SEMA3B: variants seen among roughly 807,000 people sequenced by gnomAD.
SEMA3B encodes semaphorin-3B.
SEMA3B carries 71 observed loss-of-function variants against 77.8 expected under a neutral mutation model. The ratio of observed to expected loss-of-function variants is 0.91; its 90% CI spans 0.75 to 1.11. The LOEUF (loss-of-function observed/expected upper bound fraction) is 1.11, where lower values mean the gene tolerates loss of function less well. Among genes scored for constraint, SEMA3B ranks in the 50% most tolerant of loss-of-function variants. The probability of loss-of-function intolerance (pLI) is 0.00; values close to 1 mark genes in which losing one functional copy is unlikely to be tolerated. For missense variants in SEMA3B, 968 were observed against 1,056.8 expected, an observed-to-expected ratio of 0.92 and a Z score of 1.17; for synonymous variants, 470 against 452.9, an observed-to-expected ratio of 1.04 and a Z score of -0.48.
chr3:50,274,001 C>T lies in SEMA3B; in HGVS notation c.1081C>T (p.Pro361Ser). 6.2e-7 allele frequency: 1 copy of T among 1,613,832 alleles called. No homozygotes were observed. The highest frequency in any genetic ancestry group is 8.5e-7 in the Non-Finnish European group (1 of 1,179,806). ...FLGPFAHKEG[P>S]MHQWVSYQGR... ...GGGACCCTTTGCACACAAGGAGGGG[C>T]CCATGCACCAGTGGGTGTCATACCA... The change falls in exon 10 of 17, where the codon CCC becomes TCC. Residue 361 changes from proline (P) to serine (S), a missense_variant. Pro to Ser is a moderately conservative substitution (Grantham distance 74). Transcript: ENST00000616701. This position sits in a 1 kb window ranked among gnomAD's most constrained non-coding sequence, Gnocchi z 4.7.
Position 50,275,482 on chromosome 3 carries a change from C to T in SEMA3B, c.1649+23C>T, listed in dbSNP as rs782178877. 1 of 1,606,050 alleles carries T rather than the reference C, an allele frequency of 6.2e-7. No individual in the cohort carries two copies. Among genetic ancestry groups the T allele is most frequent in the Non-Finnish European group, 8.5e-7 (1 of 1,174,406 alleles). ...GAGGTGGGCGGGGTCGGGGTTGGGC[C>T]GCCGGGAGGGAGGCGAAGGGTCTTT... On this transcript the variant is annotated intron_variant, in intron 14 of 16. Transcript: ENST00000616701. The surrounding 1 kb of genome is among the most constrained non-coding windows in gnomAD (Gnocchi z 7.5).
Position 50,270,534 on chromosome 3 carries a change from A to G in SEMA3B, c.330+39A>G, listed in dbSNP as rs1187547817. 2 of 1,611,804 alleles carry G rather than the reference A, an allele frequency of 1.2e-6. No homozygotes were observed. Among genetic ancestry groups the G allele is most frequent in the Non-Finnish European group, 1.7e-6 (2 of 1,178,946 alleles). ...GCCCGGGCCGGGAGTGGGGAGGGTC[A>G]GCCCCTCACCCCAGAGACAGGGCAG... On this transcript the variant is annotated intron_variant, in intron 3 of 16. Coordinates refer to ENST00000616701, the MANE Select transcript of SEMA3B (RefSeq NM_001290060.2). This position sits in a 1 kb window ranked among gnomAD's most constrained non-coding sequence, Gnocchi z 4.7.
chr3:50,276,475 G>C lies in SEMA3B; in HGVS notation c.2019G>C (p.Arg673=), dbSNP rs1553706797. The part of the protein sequence containing the change: ...LSATQAERLA[R]AEEAAPAAPP... ...CTACGCAGGCCGAACGACTGGCGCGGGCCGAGGAGGCTGCGCCCGCCGCGC... is the reference window on the plus strand; with the variant it reads ...CTACGCAGGCCGAACGACTGGCGCGCGCCGAGGAGGCTGCGCCCGCCGCGC... The change falls in exon 17 of 17, where the codon CGG becomes CGC. Residue 673 remains arginine (R), a synonymous_variant. Coordinates refer to ENST00000616701, the MANE Select transcript of SEMA3B (RefSeq NM_001290060.2). This position sits in a 1 kb window ranked among gnomAD's most constrained non-coding sequence, Gnocchi z 5.8. The C allele has an allele frequency of 2.6e-6, 4 of 1,531,536 alleles. No individual in the cohort carries two copies. The Admixed American group carries it at 7.9e-5, about 30-fold the overall frequency. 94.9% of individuals were successfully genotyped at this position (1,531,536 alleles called of 1,614,324 possible). A position where few individuals can be genotyped will look rare whatever the true frequency, so the allele number is the denominator to read the frequency against.
chr3:50,273,347 C>T lies in SEMA3B; in HGVS notation c.714C>T (p.Asp238=). ...GGATCCCGGAGAGCGAGAACCCAGACGACGACAAAATCTACTTCTTCTTTC... is the reference window on the plus strand; with the variant it reads ...GGATCCCGGAGAGCGAGAACCCAGATGACGACAAAATCTACTTCTTCTTTC... ...VFWIPESENP[D]DDKIYFFFRE... Residue 238 remains aspartate, a synonymous_variant, in exon 7 of 17, where the codon GAC becomes GAT. Coordinates refer to ENST00000616701, the MANE Select transcript of SEMA3B (RefSeq NM_001290060.2). The surrounding 1 kb of genome is among the most constrained non-coding windows in gnomAD (Gnocchi z 6.5). The T allele has an allele frequency of 6.2e-7, 1 of 1,614,004 alleles. No individual in the cohort carries two copies. The highest frequency in any genetic ancestry group is 8.5e-7 in the Non-Finnish European group (1 of 1,179,868).
Position 50,273,105 on chromosome 3 carries a change from T to G in SEMA3B, c.665-193T>G. ...TCTGCTGCCCCCTCGCGGCTGCTTC[T>G]TGCCTCGCAGGCCCTGATCCTTTGG... On this transcript the variant is annotated intron_variant, in intron 6 of 16. Coordinates refer to ENST00000616701, the MANE Select transcript of SEMA3B (RefSeq NM_001290060.2). The surrounding 1 kb of genome is among the most constrained non-coding windows in gnomAD (Gnocchi z 6.5). 1.1e-6 allele frequency: 1 copy of G among 883,934 alleles called. No individual in the cohort carries two copies. 54.8% of individuals were successfully genotyped at this position (883,934 alleles called of 1,614,324 possible).
rs781965318 is a variant in SEMA3B, at chr3:50,273,485, C to G, written c.810+42C>G. ...CCACACCCGGCGACCCTGCCCCTACCCCTTTGCCTGCCCTGGTCTCGCCCT... is the reference window on the plus strand; with the variant it reads ...CCACACCCGGCGACCCTGCCCCTACGCCTTTGCCTGCCCTGGTCTCGCCCT... On this transcript the variant is annotated intron_variant, in intron 7 of 16. Transcript: ENST00000616701. The surrounding 1 kb of genome is among the most constrained non-coding windows in gnomAD (Gnocchi z 6.5). The G allele has an allele frequency of 5.0e-6, 8 of 1,609,800 alleles. No individual in the cohort carries two copies. The highest frequency in any genetic ancestry group is 1.1e-5 in the South Asian group (1 of 90,898).
Position 50,275,008 on chromosome 3 carries a change from T to G in SEMA3B, c.1450-4T>G. 1 of 1,548,296 alleles carries G rather than the reference T, an allele frequency of 6.5e-7. No individual in the cohort carries two copies. The highest frequency in any genetic ancestry group is 8.8e-7 in the Non-Finnish European group (1 of 1,138,414). ...CTGACCCCGTCGCCCCTCCTCCCTC[T>G]CAGGACTCGGCCGCTGTCACCAGCA... On this transcript the variant is annotated splice_polypyrimidine_tract_variant and splice_region_variant and intron_variant, in intron 12 of 16. Transcript: ENST00000616701. The surrounding 1 kb of genome is among the most constrained non-coding windows in gnomAD (Gnocchi z 7.5).
chr3:50,261,831 G>C, the SEMA3B span: 1 of 152,256 alleles, frequency 6.6e-6, no homozygotes, highest in African/African-American at 2.4e-5. Flanking sequence ...GAGAATACAA[G>C]CCCTGACTCC....
upstream of SEMA3B, chr3:50,269,067 C>A (rs1261936486): frequency 7.2e-5 from 43 of 597,964 alleles, 1 homozygote; most frequent in South Asian, 8.3e-4. The surrounding 1 kb of genome is among the most constrained non-coding windows in gnomAD (Gnocchi z 4.0). Context: ...GAATGCGACC[C>A]CCCAGCCTCT....
Position 50,276,105 on chromosome 3 carries a change from A to G in SEMA3B, c.1846-197A>G. On this transcript the variant is annotated intron_variant, in intron 16 of 16. Coordinates refer to ENST00000616701, the MANE Select transcript of SEMA3B (RefSeq NM_001290060.2). The surrounding 1 kb of genome is among the most constrained non-coding windows in gnomAD (Gnocchi z 5.8). ...TGACCACCCCCCACCAAGTTCATGT[A>G]AACCCCGCCTCTTTCGGATTCTCCC... is the stretch of plus-strand genomic sequence containing the variant. 1 of 781,380 alleles carries G rather than the reference A, an allele frequency of 1.3e-6. No individual in the cohort carries two copies. The highest frequency in any genetic ancestry group is 1.9e-6 in the Non-Finnish European group (1 of 531,678). 48.4% of individuals were successfully genotyped at this position (781,380 alleles called of 1,614,324 possible). A position where few individuals can be genotyped will look rare whatever the true frequency, so the allele number is the denominator to read the frequency against.
chr3:50,268,059 A>G (rs969329813), upstream of SEMA3B, among the ~76,000 whole-genome samples: 2 of 152,098 alleles, frequency 1.3e-5, no homozygotes, highest in Admixed American at 1.3e-4. Flanking sequence ...GGAAGAACTC[A>G]AGGGGTGAGA....
chr3:50,275,717 C>A lies in SEMA3B; in HGVS notation c.1718C>A (p.Pro573His). 1 of 1,612,572 alleles carries A rather than the reference C, an allele frequency of 6.2e-7. No individual in the cohort carries two copies. The highest frequency in any genetic ancestry group is 8.5e-7 in the Non-Finnish European group (1 of 1,179,070). ...TTCTCGCCCCAAGACTCGTCTCGTCCCGCGCTGCTGGAACACAAGGTGTTC... is the reference window on the plus strand; with the variant it reads ...TTCTCGCCCCAAGACTCGTCTCGTCACGCGCTGCTGGAACACAAGGTGTTC... The part of the protein sequence containing the change: ...STLCSGDSSR[P>H]ALLEHKVFGV... Residue 573 changes from proline to histidine, a missense_variant, in exon 16 of 17, where the codon CCC becomes CAC. Physicochemically the swap from Pro to His is moderately conservative, Grantham distance 77. Coordinates refer to ENST00000616701, the MANE Select transcript of SEMA3B (RefSeq NM_001290060.2). The surrounding 1 kb of genome is among the most constrained non-coding windows in gnomAD (Gnocchi z 7.5).
Position 50,276,475 on chromosome 3 carries a change from G to T in SEMA3B, c.2019G>T (p.Arg673=). Reference sequence around the variant, plus strand: ...CTACGCAGGCCGAACGACTGGCGCGGGCCGAGGAGGCTGCGCCCGCCGCGC... The same window carrying T: ...CTACGCAGGCCGAACGACTGGCGCGTGCCGAGGAGGCTGCGCCCGCCGCGC... ...LSATQAERLA[R]AEEAAPAAPP... is the part of the protein sequence containing the mutation. The change falls in exon 17 of 17, where the codon CGG becomes CGT. Residue 673 remains arginine (R), a synonymous_variant. Coordinates refer to ENST00000616701, the MANE Select transcript of SEMA3B (RefSeq NM_001290060.2). This position sits in a 1 kb window ranked among gnomAD's most constrained non-coding sequence, Gnocchi z 5.8. The T allele has an allele frequency of 1.3e-6, 2 of 1,531,536 alleles. No individual in the cohort carries two copies. Among genetic ancestry groups the T allele is most frequent in the South Asian group, 1.2e-5 (1 of 83,582 alleles). The allele number at this position is 1,531,536 out of a possible 1,614,324, so 94.9% of individuals were successfully genotyped here.
Position 50,274,236 on chromosome 3 carries a change from T to C in SEMA3B, c.1138-127T>C. 1 of 1,230,282 alleles carries C rather than the reference T, an allele frequency of 8.1e-7. No individual in the cohort carries two copies. Among genetic ancestry groups the C allele is most frequent in the Non-Finnish European group, 1.1e-6 (1 of 884,890 alleles). The allele number at this position is 1,230,282 out of a possible 1,614,324, so 76.2% of individuals were successfully genotyped here. A position where few individuals can be genotyped will look rare whatever the true frequency, so the allele number is the denominator to read the frequency against. On this transcript the variant is annotated intron_variant, in intron 10 of 16. Coordinates refer to ENST00000616701, the MANE Select transcript of SEMA3B (RefSeq NM_001290060.2). This position sits in a 1 kb window ranked among gnomAD's most constrained non-coding sequence, Gnocchi z 4.7. ...ACTTCCTAGGGCAAGGCTGATCTCC[T>C]CTCTAATTCTCAGGGCAGGGTTCTG...
intron 5 of SEMA3B, 89 bp from the exon 6 acceptor site, chr3:50,271,272 C>T: frequency 6.5e-7 from 1 of 1,547,770 alleles, no homozygotes; most frequent in Non-Finnish European, 8.7e-7. Flanking sequence ...CAGGGAATCC[C>T]CCATAACCTC....
rs1553704999 is a variant in SEMA3B at position 50,269,389 on chromosome 3, G to C, written c.109+40G>C. 10 of 1,205,096 alleles carry C rather than the reference G, an allele frequency of 8.3e-6. No homozygotes were observed. Among genetic ancestry groups the C allele is most frequent in the Non-Finnish European group, 9.1e-6 (8 of 879,912 alleles). 74.7% of individuals were successfully genotyped at this position (1,205,096 alleles called of 1,614,324 possible). ...CAGGCGGGAGGGCCCAGCTTGAGGTGGGCAGGAAAGGGTCCCCGTATGGCC... is the reference window on the plus strand; with the variant it reads ...CAGGCGGGAGGGCCCAGCTTGAGGTCGGCAGGAAAGGGTCCCCGTATGGCC... On this transcript the variant is annotated intron_variant, in intron 1 of 16. Transcript: ENST00000616701. This position sits in a 1 kb window ranked among gnomAD's most constrained non-coding sequence, Gnocchi z 4.0.
At chr3:50,272,004 C>A (rs1309933400) in intron 6 of SEMA3B, among the ~76,000 whole-genome samples, 1 of 152,198 alleles carries the variant, frequency 6.6e-6, no homozygotes, top group Non-Finnish European at 1.5e-5. Context: ...GGGCTGGGCA[C>A]AATGGCTTGC....
Position 50,273,676 on chromosome 3 carries a change from G to T in SEMA3B, c.922+30G>T. The stretch of plus-strand genomic sequence containing the variant: ...GTGCGGGAGTGGGTATGGGGTTGGG[G>T]AGGGGGGCAGCGGCGCAGACTCCGG... On this transcript the variant is annotated intron_variant, in intron 8 of 16. Transcript: ENST00000616701. This position sits in a 1 kb window ranked among gnomAD's most constrained non-coding sequence, Gnocchi z 6.5. 1.2e-6 allele frequency: 2 copies of T among 1,604,454 alleles called. No individual in the cohort carries two copies. The highest frequency in any genetic ancestry group is 1.7e-6 in the Non-Finnish European group (2 of 1,178,050).
chr3:50,274,862 G>T lies in SEMA3B; in HGVS notation c.1377G>T (p.Lys459Asn). ...CTGCAGACGTTGGCACGGTGCTGAAGGTGATCTCGGTCCCCAAGGGCAGTA... is the reference window on the plus strand; with the variant it reads ...CTGCAGACGTTGGCACGGTGCTGAATGTGATCTCGGTCCCCAAGGGCAGTA... Reference protein sequence around the residue: ...FIGTDVGTVLKVISVPKGSRP... With the variant: ...FIGTDVGTVLNVISVPKGSRP... The change falls in exon 12 of 17, where the codon AAG becomes AAT. Residue 459 changes from lysine (K) to asparagine (N), a missense_variant. Physicochemically the swap from Lys to Asn is moderately conservative, Grantham distance 94. Transcript: ENST00000616701. This position sits in a 1 kb window ranked among gnomAD's most constrained non-coding sequence, Gnocchi z 4.7. The T allele has an allele frequency of 6.2e-7, 1 of 1,611,186 alleles. No homozygotes were observed. Among genetic ancestry groups the T allele is most frequent in the Non-Finnish European group, 8.5e-7 (1 of 1,179,794 alleles).
Sources: gnomAD v4.1 joint callset for allele counts (sites outside exome capture counted in the v4.1 genomes callset) on GRCh38, gnomAD v4.1.1 for gene constraint, Gnocchi (gnomAD v3.1) non-coding constraint, MANE v1.5 for transcripts, NCBI Gene and HGNC (gene_info 2026-07-23, HGNC 2026-07-21) for gene names.